Variants in KLHL26 observed in about 807,000 individuals in gnomAD.
The protein encoded by KLHL26 is kelch like family member 26, also known as kelch-like protein 26.
In KLHL26, 4 loss-of-function variants were observed where a neutral mutation model predicts 7.1. That is an observed-to-expected ratio of 0.56 (90% CI 0.28 to 1.28). KLHL26 has a LOEUF of 1.28. Ranked by LOEUF, KLHL26 falls within the 50% of genes most tolerant of loss-of-function variation. The probability of loss-of-function intolerance (pLI) is 0.11; values close to 1 mark genes in which losing one functional copy is unlikely to be tolerated. For synonymous variants in KLHL26, 465 were observed against 414.1 expected, an observed-to-expected ratio of 1.12 and a Z score of -1.49; for missense variants, 896 against 924.6, an observed-to-expected ratio of 0.97 and a Z score of 0.40.
Position 18,668,901 on chromosome 19 carries a change from G to T in KLHL26, c.1504G>T (p.Ala502Ser). 3 of 1,603,434 alleles carry T rather than the reference G, an allele frequency of 1.9e-6. No homozygotes were observed. The highest frequency in any genetic ancestry group is 2.5e-6 in the Non-Finnish European group (3 of 1,179,360). The change falls in exon 3 of 3, where the codon GCC (alanine) becomes TCC (serine). Residue 502 changes from alanine to serine, a missense_variant. Transcript: ENST00000300976. ...APMSEPRVLHAMVGAGGRIYA... is the reference protein window; with the variant it reads ...APMSEPRVLHSMVGAGGRIYA... ...CATGAGCGAACCCCGCGTGCTACAC[G>T]CCATGGTGGGTGCCGGCGGCCGCAT...
chr19:18,657,431 T>C (rs990166948), intron 1 of KLHL26, among the ~76,000 whole-genome samples: 2 of 151,854 alleles, frequency 1.3e-5, no homozygotes, highest in African/African-American at 4.8e-5. Flanking sequence ...TCTCCCTGTC[T>C]CTGAGTCTCT....
chr19:18,644,383 T>C (rs1976765397), intron 1 of KLHL26, among the ~76,000 whole-genome samples: 1 of 152,254 alleles, frequency 6.6e-6, no homozygotes, highest in Non-Finnish European at 1.5e-5. Context: ...CATTTTTGTC[T>C]AAACACTCAT....
intron 1 of KLHL26, among the ~76,000 whole-genome samples, chr19:18,658,525 CTCTCCCTCTCTCCCTGGGTCTCTG>C (rs971282626): frequency 4.8e-5 from 5 of 103,504 alleles, no homozygotes; most frequent in Non-Finnish European, 6.4e-5. Flanking sequence ...CTGTCTCTCC[CTCTCCCTCTCTCCCTGGGTCTCTG>C]TCTCCCTCTC....
chr19:18,639,107 G>T (rs1600678502), intron 1 of KLHL26, among the ~76,000 whole-genome samples: 1 of 151,408 alleles, frequency 6.6e-6, no homozygotes, highest in South Asian at 2.1e-4. Context: ...ACAGAATCTT[G>T]CTCTGTCACC....
At position 18,648,470 on chromosome 19, in the gene KLHL26, G is replaced by A. The variant is rs947063753; in HGVS notation, c.83+11333G>A. ...CCTGGAGGTTGAGCTTGTGCTGACT[G>A]ATAGTGGTGGCCAGTTTCTGCCCTC... On this transcript the variant is annotated intron_variant, in intron 1 of 2. Coordinates refer to ENST00000300976, the MANE Select transcript of KLHL26 (RefSeq NM_018316.3). The surrounding 1 kb of genome is among the most constrained non-coding windows in gnomAD (Gnocchi z 4.9). Among the ~76,000 whole-genome samples the A allele has an allele frequency of 6.6e-6, 1 of 152,186 alleles. No homozygotes were observed. Among genetic ancestry groups the A allele is most frequent in the African/African-American group, 2.4e-5 (1 of 41,434 alleles).
chr19:18,659,942 T>C (rs2052375429), intron 1 of KLHL26, among the ~76,000 whole-genome samples: 1 of 152,120 alleles, frequency 6.6e-6, no homozygotes, highest in Non-Finnish European at 1.5e-5. Flanking sequence ...TGGGCTGGGT[T>C]CCCCCAGAGC....
In KLHL26 at chr19:18,650,115, CCGAGGAT is replaced by C. The variant is rs1162152394; in HGVS notation, c.83+12984_83+12990del. Among the ~76,000 whole-genome samples, 1 of 152,138 alleles carries C rather than the reference CCGAGGAT, an allele frequency of 6.6e-6. No homozygotes were observed. Among genetic ancestry groups the C allele is most frequent in the Non-Finnish European group, 1.5e-5 (1 of 68,010 alleles). On this transcript the variant is annotated intron_variant, in intron 1 of 2. Transcript: ENST00000300976. This position sits in a 1 kb window ranked among gnomAD's most constrained non-coding sequence, Gnocchi z 4.2. ...TTGTAAAGGCCTGGAGGGGGGTCAC[CCGAGGAT>C]CGAGGCCGAAGATGTTTACTGACGC...
At position 18,668,206 on chromosome 19, in the gene KLHL26, T is replaced by G; in HGVS notation, c.809T>G (p.Ile270Ser). Residue 270 changes from isoleucine (I) to serine (S), a missense_variant, in exon 3 of 3, where the codon ATC becomes AGC. Ile to Ser is a moderately radical substitution (Grantham distance 142, BLOSUM62 -2). Transcript: ENST00000300976. ...GTGGACAGCGTGCAGACGCTGGACA[T>G]CATGGTGGAGGACGTGCTGTGCCGC... is the stretch of plus-strand genomic sequence containing the variant. ...ELVDSVQTLD[I>S]MVEDVLCRQY... The G allele has an allele frequency of 6.2e-7, 1 of 1,611,768 alleles. No homozygotes were observed. Among genetic ancestry groups the G allele is most frequent in the Non-Finnish European group, 8.5e-7 (1 of 1,179,862 alleles).
At position 18,648,346 on chromosome 19, in the gene KLHL26, C is replaced by CT. The variant is rs1976842419; in HGVS notation, c.83+11210dup. 6.6e-6 allele frequency among the ~76,000 whole-genome samples: 1 copy of CT among 152,112 alleles called. No individual in the cohort carries two copies. Among genetic ancestry groups the CT allele is most frequent in the Non-Finnish European group, 1.5e-5 (1 of 68,014 alleles). On this transcript the variant is annotated intron_variant, in intron 1 of 2. Transcript: ENST00000300976. The surrounding 1 kb of genome is among the most constrained non-coding windows in gnomAD (Gnocchi z 4.9). Reference sequence around the variant, plus strand: ...CCAGCCTGGGCGACAAAGTGAGACTCTGTCTCAAAAAAGAAAGGATCCCTC... The same window carrying CT: ...CCAGCCTGGGCGACAAAGTGAGACTCTTGTCTCAAAAAAGAAAGGATCCCTC...
intron 1 of KLHL26, 120 bp from the exon 2 acceptor site, chr19:18,664,141 C>A: frequency 2.5e-6 from 2 of 815,802 alleles, no homozygotes; most frequent in Non-Finnish European, 3.5e-6. Flanking sequence ...CATTTCACGT[C>A]AGTGGAGTCA....
Position 18,669,348 on chromosome 19 carries a change from G to T in KLHL26, c.*103G>T. On this transcript the variant is annotated 3_prime_UTR_variant, in exon 3 of 3. Coordinates refer to ENST00000300976, the MANE Select transcript of KLHL26 (RefSeq NM_018316.3). ...AACCCCAGTGCCCCCCTTCGCCCGG[G>T]CTGCCCTTGAGGGGCCTGCTGCGTT... is the stretch of plus-strand genomic sequence containing the variant. 2 of 946,632 alleles carry T rather than the reference G, an allele frequency of 2.1e-6. No homozygotes were observed. The highest frequency in any genetic ancestry group is 1.5e-5 in the South Asian group (1 of 65,256). The allele number at this position is 946,632 out of a possible 1,614,324, so 58.6% of individuals were successfully genotyped here. A position where few individuals can be genotyped will look rare whatever the true frequency, so the allele number is the denominator to read the frequency against.
rs904909105 is a variant in KLHL26, at chr19:18,671,225, G to A, written c.*1980G>A. ...CTGTGCCTGCATGCCTGGCGCTCCT[G>A]TGTGGCAGCCATCGGGGCTGGGGTA... On this transcript the variant is annotated 3_prime_UTR_variant, in exon 3 of 3. Transcript: ENST00000300976. 1.3e-5 allele frequency: 2 copies of A among 152,290 alleles called. No individual in the cohort carries two copies. Among genetic ancestry groups the A allele is most frequent in the African/African-American group, 4.8e-5 (2 of 41,434 alleles). The allele number at this position is 152,290 out of a possible 1,614,324, so 9.4% of individuals were successfully genotyped here. A position where few individuals can be genotyped will look rare whatever the true frequency, so the allele number is the denominator to read the frequency against.
intron 2 of KLHL26, chr19:18,667,350 T>G: frequency 1.2e-5 from 5 of 416,624 alleles, no homozygotes; most frequent in Non-Finnish European, 9.0e-6. Flanking sequence ...ATGTTTTTGT[T>G]TGTTTGTTTG....
intron 1 of KLHL26, among the ~76,000 whole-genome samples, chr19:18,659,140 G>A (rs975664043): frequency 1.3e-5 from 2 of 150,400 alleles, no homozygotes; most frequent in East Asian, 2.0e-4. Context: ...TGTGGGTCCC[G>A]GTTCTTCTCT....
At position 18,669,915 on chromosome 19, in the gene KLHL26, A is replaced by T. The variant is rs1029319349; in HGVS notation, c.*670A>T. ...TCATCTGCTTTCCGGAGGAAAAACC[A>T]TATCAACTCCTAGAAACGCTCCTTA... On this transcript the variant is annotated 3_prime_UTR_variant, in exon 3 of 3. Transcript: ENST00000300976. 17 of 152,496 alleles carry T rather than the reference A, an allele frequency of 1.1e-4. No homozygotes were observed. Among genetic ancestry groups the T allele is most frequent in the African/African-American group, 4.1e-4 (17 of 41,550 alleles). The allele number at this position is 152,496 out of a possible 1,614,324, so 9.4% of individuals were successfully genotyped here.
intron 1 of KLHL26, among the ~76,000 whole-genome samples, chr19:18,639,266 C>T (rs1976670580): frequency 2.0e-5 from 3 of 151,520 alleles, no homozygotes; most frequent in African/African-American, 4.9e-5. Context: ...TAAGTAGAGA[C>T]AGGGTTTCAC....
chr19:18,654,494 C>A (rs1403291605), intron 1 of KLHL26, among the ~76,000 whole-genome samples: 1 of 151,750 alleles, frequency 6.6e-6, no homozygotes, highest in Non-Finnish European at 1.5e-5. Context: ...TCCATCCACC[C>A]ATCCACCAAC....
In KLHL26 at chr19:18,656,905, C is replaced by T. The variant is rs1034458100; in HGVS notation, c.84-7356C>T. Among the ~76,000 whole-genome samples, 2 of 152,148 alleles carry T rather than the reference C, an allele frequency of 1.3e-5. No individual in the cohort carries two copies. The highest frequency in any genetic ancestry group is 4.8e-5 in the African/African-American group (2 of 41,414). ...GGAGACACAGACAGCTGCACCCTGG[C>T]GGCCCCTGAGCTGCAGTCTCTGTCT... On this transcript the variant is annotated intron_variant, in intron 1 of 2. Coordinates refer to ENST00000300976, the MANE Select transcript of KLHL26 (RefSeq NM_018316.3). The surrounding 1 kb of genome is among the most constrained non-coding windows in gnomAD (Gnocchi z 4.4).
At chr19:18,641,371 T>G (rs1311972098) in intron 1 of KLHL26, among the ~76,000 whole-genome samples, 2 of 145,480 alleles carry the variant, frequency 1.4e-5, no homozygotes, top group East Asian at 4.0e-4. Flanking sequence ...CAGGCTGGAG[T>G]GCAGTGGTGC....
Sources: allele counts gnomAD v4.1 joint callset (sites outside exome capture counted in the v4.1 genomes callset), GRCh38; gene constraint gnomAD v4.1.1; non-coding constraint Gnocchi (gnomAD v3.1); transcripts MANE v1.5; gene names NCBI Gene and HGNC (gene_info 2026-07-23, HGNC 2026-07-21).